The following DAAM1 variants were observed in gnomAD, a reference collection of about 807,000 sequenced individuals.
The protein encoded by DAAM1 is dishevelled associated activator of morphogenesis 1, also known as disheveled-associated activator of morphogenesis 1.
In DAAM1, 52 loss-of-function variants were observed where a neutral mutation model predicts 130.0. The ratio of observed to expected loss-of-function variants is 0.40; its 90% CI spans 0.32 to 0.50. The LOEUF (loss-of-function observed/expected upper bound fraction) is 0.50. Ranked by LOEUF, DAAM1 falls within the 20% of genes least tolerant of loss-of-function variation. The probability of loss-of-function intolerance (pLI) is 0.61; values close to 1 mark genes in which losing one functional copy is unlikely to be tolerated. For missense variants in DAAM1, 1,134 were observed against 1,303.8 expected (o/e 0.87, Z 2.01); for synonymous variants, 452 against 444.5 (o/e 1.02, Z -0.21).
chr14:59,248,720 G>A (rs971133787), intron 1 of DAAM1, among the ~76,000 whole-genome samples: 2 of 152,076 alleles, frequency 1.3e-5, no homozygotes, highest in African/African-American at 4.8e-5. Flanking sequence ...TTTTGTATAG[G>A]GCAAGCAGGT....
chr14:59,299,087 T>C (rs954174046), intron 3 of DAAM1, among the ~76,000 whole-genome samples: 14 of 152,246 alleles, frequency 9.2e-5, no homozygotes, highest in Admixed American at 2.6e-4. Context: ...TCTGGTTCTG[T>C]AGAGTCCTCC....
At chr14:59,258,695 T>C (rs1882021549) in intron 1 of DAAM1, among the ~76,000 whole-genome samples, 1 of 152,168 alleles carries the variant, frequency 6.6e-6, no homozygotes. Flanking sequence ...CTCTGAATAG[T>C]GGAGCTCCAT....
At chr14:59,230,737 G>T (rs1296224730) in intron 1 of DAAM1, among the ~76,000 whole-genome samples, 2 of 122,626 alleles carry the variant, frequency 1.6e-5, no homozygotes, top group African/African-American at 6.1e-5. Context: ...ATAACTGAAA[G>T]AATGTAACAA....
intron 9 of DAAM1, 47 bp downstream of exon 9, chr14:59,325,777 A>G: frequency 6.2e-7 from 1 of 1,604,394 alleles, no homozygotes; most frequent in Non-Finnish European, 8.5e-7. Flanking sequence ...AGTTCACATT[A>G]TTTCTGTCTG....
intron 1 of DAAM1, among the ~76,000 whole-genome samples, chr14:59,191,392 C>G (rs1887725915): frequency 1.3e-5 from 2 of 151,782 alleles, no homozygotes; most frequent in Admixed American, 1.3e-4. Context: ...TTCTGTCCCC[C>G]CAGCATTTAG....
At chr14:59,279,235 G>C (rs76555202) in intron 2 of DAAM1, among the ~76,000 whole-genome samples, 2,906 of 152,218 alleles carry the variant, frequency 0.019, 95 homozygotes, top group African/African-American at 0.066. Flanking sequence ...CTAGGCCCCA[G>C]ACAATCATCC....
intron 1 of DAAM1, among the ~76,000 whole-genome samples, chr14:59,232,633 C>CTT (rs199972715): frequency 8.2e-5 from 12 of 146,752 alleles, no homozygotes; most frequent in East Asian, 5.9e-4. Flanking sequence ...AAAATTTTCT[C>CTT]TTTTTTTTTT....
At chr14:59,201,152 C>T (rs1888091002) in intron 1 of DAAM1, among the ~76,000 whole-genome samples, 1 of 113,954 alleles carries the variant, frequency 8.8e-6, no homozygotes. Flanking sequence ...CAGAGTGAGA[C>T]TCCGTCTCAA....
intron 22 of DAAM1, 126 bp from the exon 23 acceptor site, chr14:59,363,525 A>G: frequency 7.2e-7 from 1 of 1,380,070 alleles, no homozygotes; most frequent in East Asian, 2.4e-5. Flanking sequence ...AAAATGTTTT[A>G]GAACAAGTTT....
intron 1 of DAAM1, among the ~76,000 whole-genome samples, chr14:59,230,157 C>T (rs1889058184): frequency 6.6e-6 from 1 of 152,104 alleles, no homozygotes; most frequent in African/African-American, 2.4e-5. Context: ...TGCCTCTTAC[C>T]ACTTCCTTAC....
At chr14:59,202,552 C>T (rs1888138403) in intron 1 of DAAM1, among the ~76,000 whole-genome samples, 1 of 152,206 alleles carries the variant, frequency 6.6e-6, no homozygotes, top group Admixed American at 6.5e-5. Context: ...TGAGCGTATA[C>T]ATTTCAGAAT....
intron 1 of DAAM1, among the ~76,000 whole-genome samples, chr14:59,247,506 C>T (rs1376946403): frequency 6.6e-6 from 1 of 152,090 alleles, no homozygotes; most frequent in Non-Finnish European, 1.5e-5. Flanking sequence ...TATTGTCTTC[C>T]AGTCTATGAA....
chr14:59,220,121 A>T lies in DAAM1; in HGVS notation c.-38+31353A>T, dbSNP rs187473368. Among the ~76,000 whole-genome samples the T allele has an allele frequency of 4.5e-3, 691 of 152,070 alleles. 10 individuals are homozygous for T. The highest frequency in any genetic ancestry group is 0.015 in the African/African-American group (635 of 41,358). On this transcript the variant is annotated intron_variant, in intron 1 of 24. Coordinates refer to ENST00000360909, the MANE Select transcript of DAAM1 (RefSeq NM_001270520.2). ...GATTTTAAGCATTTGACCAAATTTCAAGGTCTCTCATCCCAAGATTTTGTT... is the reference window on the plus strand; with the variant it reads ...GATTTTAAGCATTTGACCAAATTTCTAGGTCTCTCATCCCAAGATTTTGTT...
intron 1 of DAAM1, among the ~76,000 whole-genome samples, chr14:59,239,778 G>A (rs949102801): frequency 2.6e-5 from 4 of 152,126 alleles, no homozygotes; most frequent in East Asian, 1.9e-4. Flanking sequence ...GGGCCAGGAC[G>A]AGGAGTAATG....
At chr14:59,349,994 C>G (rs1886228158) in intron 17 of DAAM1, among the ~76,000 whole-genome samples, 1 of 152,108 alleles carries the variant, frequency 6.6e-6, no homozygotes, top group Non-Finnish European at 1.5e-5. Flanking sequence ...GGGTAAAAAT[C>G]CAAGCTGAGG....
At chr14:59,340,239 A>C in intron 16 of DAAM1, 59 bp downstream of exon 16, 2 of 1,506,216 alleles carry the variant, frequency 1.3e-6, no homozygotes, top group Non-Finnish European at 9.2e-7. Flanking sequence ...TCTGTGGCTC[A>C]AAACCACATG....
intron 19 of DAAM1, 40 bp from the exon 20 acceptor site, chr14:59,355,125 A>G: frequency 6.3e-7 from 1 of 1,591,832 alleles, no homozygotes; most frequent in South Asian, 1.1e-5. Flanking sequence ...CAAACAACGA[A>G]ACACTTGGTA....
chr14:59,189,973 G>T (rs1887680010), intron 1 of DAAM1, among the ~76,000 whole-genome samples: 1 of 152,102 alleles, frequency 6.6e-6, no homozygotes, highest in South Asian at 2.1e-4. Context: ...GTAGTTTCTT[G>T]AGATTCGAGC....
At chr14:59,191,967 C>T (rs1379803378) in intron 1 of DAAM1, among the ~76,000 whole-genome samples, 2 of 152,114 alleles carry the variant, frequency 1.3e-5, no homozygotes, top group Non-Finnish European at 2.9e-5. Flanking sequence ...ATGTTACCAT[C>T]CAGTAGTCTG....
Sources: allele counts gnomAD v4.1 joint callset (sites outside exome capture counted in the v4.1 genomes callset), GRCh38; gene constraint gnomAD v4.1.1; transcripts MANE v1.5; gene names NCBI Gene and HGNC (gene_info 2026-07-23, HGNC 2026-07-21).